CNTNAP2: variants seen among roughly 807,000 people sequenced by gnomAD.
The protein encoded by CNTNAP2 is contactin associated protein 2, also known as contactin-associated protein-like 2.
CNTNAP2 carries 98 observed loss-of-function variants against 155.2 expected under a neutral mutation model. The observed-to-expected ratio is 0.63, with a 90% CI of 0.54 to 0.75. The LOEUF (loss-of-function observed/expected upper bound fraction) is 0.75. CNTNAP2 is among the 30% of genes least tolerant of loss of function. The probability of loss-of-function intolerance (pLI) is 0.00; values close to 1 mark genes in which losing one functional copy is unlikely to be tolerated. For missense variants in CNTNAP2, 1,727 were observed against 1,688.1 expected (o/e 1.02, Z -0.40); for synonymous variants, 651 against 631.2 (o/e 1.03, Z -0.47).
At chr7:147,678,108 A>G (rs1795895772) in intron 13 of CNTNAP2, among the ~76,000 whole-genome samples, 1 of 151,922 alleles carries the variant, frequency 6.6e-6, no homozygotes, top group South Asian at 2.1e-4. Flanking sequence ...ATAGTTTTAC[A>G]TACTAACTGG....
At chr7:146,255,966 C>A (rs1443354226) in intron 1 of CNTNAP2, among the ~76,000 whole-genome samples, 1 of 152,268 alleles carries the variant, frequency 6.6e-6, no homozygotes, top group Admixed American at 6.5e-5. Flanking sequence ...GTGAATAAAT[C>A]TTGTTGCAAA....
intron 21 of CNTNAP2, among the ~76,000 whole-genome samples, chr7:148,355,907 G>T (rs531556589): frequency 4.5e-4 from 68 of 152,330 alleles, no homozygotes; most frequent in Middle Eastern, 3.4e-3. Context: ...GTGTCTGAGA[G>T]CCAGCGCTGC....
intron 15 of CNTNAP2, among the ~76,000 whole-genome samples, chr7:148,074,518 C>CT (rs386360254): frequency 2.4e-4 from 37 of 151,452 alleles, no homozygotes; most frequent in African/African-American, 8.5e-4. Flanking sequence ...TGGTGAAACC[C>CT]GTCTCTACTA....
At chr7:146,716,813 GAAGGATAAA>G (rs774165595) in intron 1 of CNTNAP2, among the ~76,000 whole-genome samples, 1 of 152,194 alleles carries the variant, frequency 6.6e-6, no homozygotes, top group Non-Finnish European at 1.5e-5. Flanking sequence ...CATTAGTGAG[GAAGGATAAA>G]GCTTAAGCGG....
chr7:146,671,558 T>G (rs1350633420), intron 1 of CNTNAP2, among the ~76,000 whole-genome samples: 1 of 152,118 alleles, frequency 6.6e-6, no homozygotes, highest in African/African-American at 2.4e-5. Context: ...CAGAGAATGA[T>G]TTCTGTGGGT....
At chr7:148,253,626 G>A (rs1450160042) in intron 20 of CNTNAP2, among the ~76,000 whole-genome samples, 1 of 152,152 alleles carries the variant, frequency 6.6e-6, no homozygotes, top group Non-Finnish European at 1.5e-5. Context: ...GATGATTTGA[G>A]TCTTACGCCG....
At chr7:147,017,625 G>C (rs980769182) in intron 3 of CNTNAP2, among the ~76,000 whole-genome samples, 1 of 151,928 alleles carries the variant, frequency 6.6e-6, no homozygotes, top group Non-Finnish European at 1.5e-5. Context: ...GTAAAGGACA[G>C]TAAACTGATT....
intron 1 of CNTNAP2, among the ~76,000 whole-genome samples, chr7:146,465,580 G>T (rs891935647): frequency 6.6e-6 from 1 of 152,138 alleles, no homozygotes; most frequent in African/African-American, 2.4e-5. Flanking sequence ...TAGAATTTCT[G>T]TGCATTCCAT....
intron 11 of CNTNAP2, among the ~76,000 whole-genome samples, chr7:147,559,395 T>C (rs984203895): frequency 2.6e-5 from 4 of 152,216 alleles, no homozygotes; most frequent in Admixed American, 1.3e-4. Context: ...AGATCTGTGA[T>C]ATAATTTATA....
At chr7:147,759,689 G>A (rs1290290096) in intron 13 of CNTNAP2, among the ~76,000 whole-genome samples, 2 of 152,186 alleles carry the variant, frequency 1.3e-5, no homozygotes, top group African/African-American at 4.8e-5. Context: ...ACGAGGATGT[G>A]GGCTGGTCCA....
chr7:147,997,700 C>T (rs146641741), intron 15 of CNTNAP2, among the ~76,000 whole-genome samples: 201 of 152,006 alleles, frequency 1.3e-3, no homozygotes, highest in Non-Finnish European at 2.1e-3. Flanking sequence ...GGTGGGCTGC[C>T]GGGGAGGATG....
intron 4 of CNTNAP2, among the ~76,000 whole-genome samples, chr7:147,048,430 G>A (rs62484008): frequency 0.012 from 1,816 of 152,246 alleles, 15 homozygotes; most frequent in Non-Finnish European, 0.018. Flanking sequence ...TGCTGCTTTG[G>A]AACTTCTGAC....
At chr7:147,944,103 T>C (rs1800778165) in intron 14 of CNTNAP2, among the ~76,000 whole-genome samples, 1 of 152,206 alleles carries the variant, frequency 6.6e-6, no homozygotes, top group Admixed American at 6.5e-5. Flanking sequence ...GTAGAAGTCC[T>C]ACCTTTCATT....
chr7:147,684,676 T>G (rs1332790301), intron 13 of CNTNAP2, among the ~76,000 whole-genome samples: 1 of 151,934 alleles, frequency 6.6e-6, no homozygotes, highest in East Asian at 1.9e-4. Flanking sequence ...TAATGTTAAC[T>G]GCATCATGCT....
chr7:146,876,649 T>A (rs551397617), intron 3 of CNTNAP2, among the ~76,000 whole-genome samples: 2 of 152,160 alleles, frequency 1.3e-5, no homozygotes, highest in Non-Finnish European at 2.9e-5. Flanking sequence ...GACATACTGA[T>A]TTAAAACATG....
chr7:147,967,913 TA>T (rs1280108614), intron 14 of CNTNAP2, among the ~76,000 whole-genome samples: 1 of 152,144 alleles, frequency 6.6e-6, no homozygotes, highest in African/African-American at 2.4e-5. Context: ...AAAAAAAAGA[TA>T]CTAAAAATAT....
intron 1 of CNTNAP2, among the ~76,000 whole-genome samples, chr7:146,356,476 A>T (rs1263534326): frequency 6.6e-6 from 1 of 152,114 alleles, no homozygotes; most frequent in African/African-American, 2.4e-5. Context: ...CCTGTTCTCA[A>T]TTCCAGCTAC....
rs536159504 is a variant in CNTNAP2, at chr7:147,632,720, G to C, written c.1898-6386G>C. 2.9e-3 allele frequency among the ~76,000 whole-genome samples: 440 copies of C among 152,256 alleles called. 2 individuals carry two copies. Among genetic ancestry groups the C allele is most frequent in the African/African-American group, 0.01 (418 of 41,532 alleles). On this transcript the variant is annotated intron_variant, in intron 12 of 23. Coordinates refer to ENST00000361727, the MANE Select transcript of CNTNAP2 (RefSeq NM_014141.6). ...AAATATGGAAGCAACTTTGGAACTG[G>C]GTAACAGGAAGAGACTGGAACAGTT...
chr7:147,553,214 C>T (rs1440784663), intron 11 of CNTNAP2, among the ~76,000 whole-genome samples: 2 of 152,126 alleles, frequency 1.3e-5, no homozygotes, highest in Admixed American at 6.6e-5. Context: ...GCATGTAGCA[C>T]GTGTCTACCT....
Sources: gnomAD v4.1 joint callset for allele counts (sites outside exome capture counted in the v4.1 genomes callset) on GRCh38, gnomAD v4.1.1 for gene constraint, MANE v1.5 for transcripts, NCBI Gene and HGNC (gene_info 2026-07-23, HGNC 2026-07-21) for gene names.